The following ACSS2 variants were observed in gnomAD, a reference collection of about 807,000 sequenced individuals.
The protein encoded by ACSS2 is acyl-CoA synthetase short chain family member 2.
A neutral mutation model predicts 90.6 loss-of-function variants in ACSS2; 58 were observed. The observed-to-expected ratio is 0.64, with a 90% CI of 0.52 to 0.80. The LOEUF (loss-of-function observed/expected upper bound fraction) is 0.80. Among genes scored for constraint, ACSS2 ranks in the 30% least tolerant of loss-of-function variants. The pLI is 0.00. For missense variants in ACSS2, 759 were observed against 912.0 expected (o/e 0.83, Z 2.16); for synonymous variants, 300 against 330.9 (o/e 0.91, Z 1.01).
chr20:34,919,597 G>A (rs771391702), intron 8 of ACSS2, 25 bp downstream of exon 8: 6 of 1,568,432 alleles, frequency 3.8e-6, no homozygotes, highest in Admixed American at 1.8e-5. Flanking sequence ...GTGTGTGTGT[G>A]TGTGTGTGTG....
Position 34,921,092 on chromosome 20 carries a change from C to T in ACSS2, c.1230C>T (p.Pro410=). ...AGGTGACCAAGTTCTACACAGCACC[C>T]ACAGCCATCCGTCTGCTCATGAAGT... ...KYKVTKFYTA[P]TAIRLLMKFG... is the part of the protein sequence containing the mutation. The change falls in exon 10 of 18, where the codon CCC becomes CCT. Residue 410 remains proline, a synonymous_variant. Coordinates refer to ENST00000360596, the MANE Select transcript of ACSS2 (RefSeq NM_018677.4). The T allele has an allele frequency of 1.2e-6, 2 of 1,614,202 alleles. No homozygotes were observed. Among genetic ancestry groups the T allele is most frequent in the Non-Finnish European group, 1.7e-6 (2 of 1,180,040 alleles).
At chr20:34,885,205 G>C (rs2080161418) in intron 2 of ACSS2, among the ~76,000 whole-genome samples, 1 of 151,600 alleles carries the variant, frequency 6.6e-6, no homozygotes, top group Admixed American at 6.6e-5. Context: ...GTCTCAAAAA[G>C]TAATAGTAAT....
In ACSS2 at chr20:34,921,593, G is replaced by C; in HGVS notation, c.1460G>C (p.Gly487Ala). 6.2e-7 allele frequency: 1 copy of C among 1,614,228 alleles called. No individual in the cohort carries two copies. The highest frequency in any genetic ancestry group is 8.5e-7 in the Non-Finnish European group (1 of 1,180,038). The change falls in exon 12 of 18, where the codon GGT becomes GCT. Residue 487 changes from glycine to alanine, a missense_variant. By Grantham distance (60) the Gly-to-Ala change is moderately conservative. Coordinates refer to ENST00000360596, the MANE Select transcript of ACSS2 (RefSeq NM_018677.4). Reference sequence around the variant, plus strand: ...CCTGGTGCCACACCCATGAAACCCGGTTCTGCTGTGAGTGATGCTTCCCTG... The same window carrying C: ...CCTGGTGCCACACCCATGAAACCCGCTTCTGCTGTGAGTGATGCTTCCCTG... ...PLPGATPMKP[G>A]SATFPFFGVA...
At chr20:34,899,260 C>T (rs983655436) in intron 2 of ACSS2, among the ~76,000 whole-genome samples, 14 of 152,190 alleles carry the variant, frequency 9.2e-5, no homozygotes, top group African/African-American at 2.9e-4. Flanking sequence ...CACAGTGCAG[C>T]GGTGGGCTGA....
intron 2 of ACSS2, among the ~76,000 whole-genome samples, chr20:34,904,247 T>TTAA (rs1260888746): frequency 6.6e-6 from 1 of 151,800 alleles, no homozygotes; most frequent in Non-Finnish European, 1.5e-5. Context: ...TTTTTTTTTT[T>TTAA]TAATGTGGTG....
chr20:34,883,606 C>T (rs1329251003), intron 2 of ACSS2, among the ~76,000 whole-genome samples: 2 of 152,184 alleles, frequency 1.3e-5, no homozygotes, highest in African/African-American at 4.8e-5. Context: ...TTACCTTGGC[C>T]TCTCAACAGG....
chr20:34,923,012 A>G (rs2081235870), intron 13 of ACSS2: 1 of 225,796 alleles, frequency 4.4e-6, no homozygotes, highest in African/African-American at 2.2e-5. Flanking sequence ...TTTACTAAAC[A>G]CTTATCAATA....
Position 34,921,728 on chromosome 20 carries a change from A to T in ACSS2, c.1468-58A>T. The T allele has an allele frequency of 2.5e-6, 4 of 1,608,584 alleles. No individual in the cohort carries two copies. The Admixed American group carries it at 6.7e-5, about 27-fold the overall frequency. ...ATTTGGGGTTCTGGGGCCCCTTGGGAGTTGAGTCAGAGTTGCCTCATTCCT... is the reference window on the plus strand; with the variant it reads ...ATTTGGGGTTCTGGGGCCCCTTGGGTGTTGAGTCAGAGTTGCCTCATTCCT... On this transcript the variant is annotated intron_variant, in intron 12 of 17. Coordinates refer to ENST00000360596, the MANE Select transcript of ACSS2 (RefSeq NM_018677.4).
At chr20:34,875,578 AAAC>A (rs1335885599), upstream of ACSS2, among the ~76,000 whole-genome samples, 1 of 152,198 alleles carries the variant, frequency 6.6e-6, no homozygotes, top group Non-Finnish European at 1.5e-5. Flanking sequence ...CTCAAAACAA[AAAC>A]AACAACAAAA....
chr20:34,888,067 C>CAAAAAAAAA (rs34578238), intron 2 of ACSS2, among the ~76,000 whole-genome samples: 1 of 62,518 alleles, frequency 1.6e-5, no homozygotes. Context: ...AAGACTCCAT[C>CAAAAAAAAA]AAAAAAAAAA....
At chr20:34,922,015 G>A (rs2081214883) in intron 13 of ACSS2, 149 bp downstream of exon 13, 7 of 1,440,560 alleles carry the variant, frequency 4.9e-6, no homozygotes, top group Non-Finnish European at 4.5e-6. Context: ...AGAGACCCTG[G>A]AGGGGACCCT....
chr20:34,884,560 G>A (rs1189468612), intron 2 of ACSS2, among the ~76,000 whole-genome samples: 2 of 152,142 alleles, frequency 1.3e-5, no homozygotes, highest in African/African-American at 4.8e-5. Context: ...GCACTTATTT[G>A]TTTATTGGAA....
chr20:34,921,824 TG>T lies in ACSS2; in HGVS notation c.1507del (p.Glu503SerfsTer77). 6.2e-7 allele frequency: 1 copy of T among 1,614,144 alleles called. No homozygotes were observed. The highest frequency in any genetic ancestry group is 1.1e-5 in the South Asian group (1 of 91,078). Reference sequence around the variant, plus strand: ...TTGGTGTAGCTCCTGCAATCCTGAATGAGTCCGGGGAAGAGTTGGAAGGTGA... The same window carrying T: ...TTGGTGTAGCTCCTGCAATCCTGAATAGTCCGGGGAAGAGTTGGAAGGTGA... ...FFGVAPAILN[E>X]SGEELEGEAE... On this transcript the variant is annotated frameshift_variant, in exon 13 of 18. Transcript: ENST00000360596. LOFTEE classifies it high-confidence loss of function.
chr20:34,913,470 C>T lies in ACSS2; in HGVS notation c.544C>T (p.Arg182Cys), dbSNP rs956006658. The T allele has an allele frequency of 1.1e-5, 18 of 1,613,012 alleles. No individual in the cohort carries two copies. The highest frequency in any genetic ancestry group is 1.5e-5 in the Non-Finnish European group (18 of 1,179,842). ...TGTGGTGGCCATGCTGGCATGTGCC[C>T]GCATTGGGGCTTTGCACTCCATTGT... ...ELVVAMLACA[R>C]IGALHSIVFA... The change falls in exon 4 of 18, where the codon CGC (arginine) becomes TGC (cysteine). Residue 182 changes from arginine to cysteine, a missense_variant. Arg to Cys is a radical substitution (Grantham distance 180, BLOSUM62 -3). Coordinates refer to ENST00000360596, the MANE Select transcript of ACSS2 (RefSeq NM_018677.4).
In ACSS2 at chr20:34,913,098, A is replaced by G. The variant is rs1464122167; in HGVS notation, c.377A>G (p.Glu126Gly). The G allele has an allele frequency of 6.2e-7, 1 of 1,613,338 alleles. No homozygotes were observed. The highest frequency in any genetic ancestry group is 1.7e-5 in the Admixed American group (1 of 60,010). Reference sequence around the variant, plus strand: ...TGGTTCTTTCTGGTATGTCTCAGGGAGGGCAATGAGCCAGGGGAGACCACT... The same window carrying G: ...TGGTTCTTTCTGGTATGTCTCAGGGGGGGCAATGAGCCAGGGGAGACCACT... ...KLGDKVAFYW[E>G]GNEPGETTQI... Residue 126 changes from glutamate (E) to glycine (G), a missense_variant and splice_region_variant, in exon 3 of 18, where the codon GAG (glutamate) becomes GGG (glycine). Glu to Gly is a moderately conservative substitution (Grantham distance 98, BLOSUM62 -2). Transcript: ENST00000360596.
chr20:34,921,471 A>C lies in ACSS2; in HGVS notation c.1410+9A>C, dbSNP rs375380201. ...TCTGGCAAACAGAGACAGTGAGTGA[A>C]GGGTACAGAAGGCTGGGGCCCAGGG... is the stretch of plus-strand genomic sequence containing the variant. On this transcript the variant is annotated intron_variant, in intron 11 of 17. Transcript: ENST00000360596. The C allele has an allele frequency of 1.2e-5, 20 of 1,614,080 alleles. No homozygotes were observed. The highest frequency in any genetic ancestry group is 1.6e-4 in the Middle Eastern group (1 of 6,084).
At position 34,921,246 on chromosome 20, in the gene ACSS2, G is replaced by C. The variant is rs990623871; in HGVS notation, c.1278-84G>C. The stretch of plus-strand genomic sequence containing the variant: ...TGTCCCAACTCTCTGACCTGGAATA[G>C]AGGATGGGGCAAGAGAAAAGCCTGG... On this transcript the variant is annotated intron_variant, in intron 10 of 17. Transcript: ENST00000360596. 1.9e-6 allele frequency: 3 copies of C among 1,606,828 alleles called. No homozygotes were observed. The East Asian group carries it at 6.7e-5, about 36-fold the overall frequency.
rs1191367309 is a variant in ACSS2 at position 34,893,539 on chromosome 20, ATT to A, written c.374+10568_374+10569del. 5.4e-3 allele frequency: 714 copies of A among 132,180 alleles called. 8 individuals are homozygous for A. Among genetic ancestry groups the A allele is most frequent in the African/African-American group, 0.019 (661 of 35,082 alleles). The allele number at this position is 132,180 out of a possible 1,614,324, so 8.2% of individuals were successfully genotyped here. ...AGGCACACACCACCATGCCCAGCTAATTTTTTTTTTTTTTTTTTTGTATTTTT... is the reference window on the plus strand; with the variant it reads ...AGGCACACACCACCATGCCCAGCTAATTTTTTTTTTTTTTTTTGTATTTTT... On this transcript the variant is annotated intron_variant, in intron 2 of 17. Transcript: ENST00000360596.
intron 2 of ACSS2, among the ~76,000 whole-genome samples, chr20:34,900,343 T>C (rs2080624126): frequency 6.6e-6 from 1 of 151,860 alleles, no homozygotes; most frequent in Admixed American, 6.6e-5. Context: ...CTAAATTTTT[T>C]TTTTTTTTTT....
Sources: gnomAD v4.1 joint callset for allele counts (sites outside exome capture counted in the v4.1 genomes callset) on GRCh38, gnomAD v4.1.1 for gene constraint, MANE v1.5 for transcripts, NCBI Gene and HGNC (gene_info 2026-07-23, HGNC 2026-07-21) for gene names.